ARHGAP15: variants seen among roughly 807,000 people sequenced by gnomAD.
ARHGAP15 encodes the protein rho GTPase-activating protein 15.
ARHGAP15 carries 51 observed loss-of-function variants against 63.7 expected under a neutral mutation model. The ratio of observed to expected loss-of-function variants is 0.80; its 90% CI spans 0.64 to 1.01. ARHGAP15 has a LOEUF of 1.01. Ranked by LOEUF, ARHGAP15 falls within the 50% of genes least tolerant of loss-of-function variation. The pLI, the probability that ARHGAP15 is intolerant of heterozygous loss-of-function variation, is 0.00. For missense variants in ARHGAP15, 560 were observed against 564.6 expected, an observed-to-expected ratio of 0.99 and a Z score of 0.08; for synonymous variants, 191 against 193.8, an observed-to-expected ratio of 0.99 and a Z score of 0.12.
chr2:143,572,657 T>C (rs1696512597), intron 11 of ARHGAP15, among the ~76,000 whole-genome samples: 1 of 152,206 alleles, frequency 6.6e-6, no homozygotes, highest in African/African-American at 2.4e-5. Context: ...TAGACAGCTA[T>C]AAAGCCAGGC....
intron 6 of ARHGAP15, among the ~76,000 whole-genome samples, chr2:143,406,096 A>G (rs982914109): frequency 5.9e-5 from 9 of 151,884 alleles, no homozygotes; most frequent in Non-Finnish European, 1.3e-4. Flanking sequence ...AATTGTACCA[A>G]TGATGAGCAT....
intron 6 of ARHGAP15, among the ~76,000 whole-genome samples, chr2:143,317,409 G>T (rs1683770050): frequency 6.6e-6 from 1 of 152,186 alleles, no homozygotes; most frequent in Non-Finnish European, 1.5e-5. Context: ...ATAAATACAT[G>T]AATAAACAAT....
intron 13 of ARHGAP15, among the ~76,000 whole-genome samples, chr2:143,749,539 G>A (rs989813552): frequency 4.6e-5 from 7 of 151,940 alleles, no homozygotes; most frequent in South Asian, 4.2e-4. Flanking sequence ...TAGTACTTGC[G>A]TACATTATTT....
intron 12 of ARHGAP15, among the ~76,000 whole-genome samples, chr2:143,632,224 G>GCAAT: frequency 1.3e-5 from 2 of 152,028 alleles, no homozygotes; most frequent in South Asian, 4.2e-4. Context: ...TTATTAGAAT[G>GCAAT]CAATCAATGC....
intron 6 of ARHGAP15, among the ~76,000 whole-genome samples, chr2:143,341,210 A>ATG (rs1228793421): frequency 6.6e-6 from 1 of 151,974 alleles, no homozygotes; most frequent in Non-Finnish European, 1.5e-5. Context: ...CATTGAGGGG[A>ATG]TGAACCACAT....
chr2:143,741,450 AG>A (rs565939366), intron 13 of ARHGAP15, among the ~76,000 whole-genome samples: 8 of 152,296 alleles, frequency 5.3e-5, no homozygotes, highest in Non-Finnish European at 1.0e-4. Flanking sequence ...CCCCCCAAAA[AG>A]GTTGGAATGA....
intron 12 of ARHGAP15, among the ~76,000 whole-genome samples, chr2:143,689,411 G>C (rs779288179): frequency 1.1e-4 from 17 of 152,106 alleles, no homozygotes; most frequent in Non-Finnish European, 1.9e-4. Context: ...GTTACTGTAA[G>C]AGTTCTAAGC....
intron 12 of ARHGAP15, among the ~76,000 whole-genome samples, chr2:143,673,421 C>A (rs1682632158): frequency 6.6e-6 from 1 of 151,972 alleles, no homozygotes; most frequent in Non-Finnish European, 1.5e-5. Context: ...CCTCAGCCTA[C>A]CAAGTAGCTG....
intron 11 of ARHGAP15, among the ~76,000 whole-genome samples, chr2:143,611,218 C>T (rs1019384201): frequency 1.3e-5 from 2 of 152,024 alleles, no homozygotes; most frequent in Non-Finnish European, 2.9e-5. Flanking sequence ...TTATGAGCCT[C>T]GTGTAAAAAT....
intron 6 of ARHGAP15, among the ~76,000 whole-genome samples, chr2:143,426,048 T>G (rs10496947): frequency 0.89 from 135,309 of 152,134 alleles, 60,542 homozygotes; most frequent in Middle Eastern, 0.97. Flanking sequence ...GGGCCATTCC[T>G]AGTTCTGCTA....
At chr2:143,531,392 T>A (rs570644100) in intron 10 of ARHGAP15, among the ~76,000 whole-genome samples, 390 of 152,316 alleles carry the variant, frequency 2.6e-3, no homozygotes, top group Admixed American at 4.8e-3. Flanking sequence ...GTGGGCTTTT[T>A]CTAGCATTCA....
chr2:143,389,130 TATTA>T (rs1687431175), intron 6 of ARHGAP15, among the ~76,000 whole-genome samples: 3 of 148,840 alleles, frequency 2.0e-5, no homozygotes, highest in African/African-American at 4.9e-5. Flanking sequence ...TTATTATTAT[TATTA>T]TTTTTTATTA....
intron 11 of ARHGAP15, among the ~76,000 whole-genome samples, chr2:143,581,223 T>C (rs1182572776): frequency 7.3e-6 from 1 of 136,486 alleles, no homozygotes; most frequent in Non-Finnish European, 1.6e-5. Context: ...TGTCTCAATA[T>C]GCCATAAAGG....
At chr2:143,222,939 G>GTC in intron 4 of ARHGAP15, among the ~76,000 whole-genome samples, 1 of 151,922 alleles carries the variant, frequency 6.6e-6, no homozygotes, top group Non-Finnish European at 1.5e-5. Context: ...AATTTGTTTT[G>GTC]TATGTCAAAA....
At chr2:143,362,234 C>T (rs552021115) in intron 6 of ARHGAP15, among the ~76,000 whole-genome samples, 1 of 152,148 alleles carries the variant, frequency 6.6e-6, no homozygotes, top group Non-Finnish European at 1.5e-5. Flanking sequence ...TGTCTGTTTC[C>T]CTGTGTCTCC....
rs1329728573 is a variant in ARHGAP15 at position 143,518,082 on chromosome 2, C to T, written c.827-1184C>T. Among the ~76,000 whole-genome samples the T allele has an allele frequency of 2.0e-5, 3 of 151,992 alleles. No individual in the cohort carries two copies. The East Asian group carries it at 5.8e-4, about 29-fold the overall frequency. On this transcript the variant is annotated intron_variant, in intron 9 of 13. Coordinates refer to ENST00000295095, the MANE Select transcript of ARHGAP15 (RefSeq NM_018460.4). ...ACAGATACTATCTCAATAGCAAAACCCAGAAATTGATGGTGGTGAGGGTTG... is the reference window on the plus strand; with the variant it reads ...ACAGATACTATCTCAATAGCAAAACTCAGAAATTGATGGTGGTGAGGGTTG...
At chr2:143,694,007 A>AT (rs1184122573) in intron 12 of ARHGAP15, among the ~76,000 whole-genome samples, 2 of 152,116 alleles carry the variant, frequency 1.3e-5, no homozygotes, top group African/African-American at 4.8e-5. Flanking sequence ...GAGAATAATT[A>AT]TTTTTTTTAA....
intron 5 of ARHGAP15, among the ~76,000 whole-genome samples, chr2:143,249,450 A>G (rs1318570559): frequency 1.3e-5 from 2 of 152,156 alleles, no homozygotes; most frequent in Non-Finnish European, 2.9e-5. Flanking sequence ...TCATAATTTC[A>G]TGTTTTATCC....
intron 6 of ARHGAP15, among the ~76,000 whole-genome samples, chr2:143,263,716 T>C (rs563330462): frequency 6.6e-6 from 1 of 152,206 alleles, no homozygotes; most frequent in Non-Finnish European, 1.5e-5. Flanking sequence ...GTTTCTAATC[T>C]TTCAGACTGT....
Sources: gnomAD v4.1 joint callset for allele counts (sites outside exome capture counted in the v4.1 genomes callset) on GRCh38, gnomAD v4.1.1 for gene constraint, MANE v1.5 for transcripts, NCBI Gene and HGNC (gene_info 2026-07-23, HGNC 2026-07-21) for gene names.